The following CTDSPL2 variants were observed in gnomAD, a reference collection of about 807,000 sequenced individuals.
CTDSPL2 encodes CTD small phosphatase-like protein 2.
CTDSPL2 carries 5 observed loss-of-function variants against 60.0 expected under a neutral mutation model. That is an observed-to-expected ratio of 0.08 (90% CI 0.04 to 0.18). The LOEUF is 0.18. Among genes scored for constraint, CTDSPL2 ranks in the 10% least tolerant of loss-of-function variants. CTDSPL2 has a pLI of 1.00. For missense variants in CTDSPL2, 370 were observed against 548.8 expected, an observed-to-expected ratio of 0.67 and a Z score of 3.26; for synonymous variants, 186 against 189.3, an observed-to-expected ratio of 0.98 and a Z score of 0.14.
intron 8 of CTDSPL2, among the ~76,000 whole-genome samples, chr15:44,509,309 C>G (rs2140853517): frequency 6.6e-6 from 1 of 152,168 alleles, no homozygotes; most frequent in Admixed American, 6.5e-5. Flanking sequence ...TCCAGTGATT[C>G]TCCTGCTTCA....
chr15:44,448,638 C>G (rs968166326), intron 1 of CTDSPL2: 1 of 317,544 alleles, frequency 3.1e-6, no homozygotes, highest in African/African-American at 2.2e-5. Context: ...GGTCCCTCCT[C>G]CATTTCTCCC....
intron 1 of CTDSPL2, among the ~76,000 whole-genome samples, chr15:44,443,450 A>G (rs533982502): frequency 7.9e-5 from 12 of 152,328 alleles, no homozygotes; most frequent in African/African-American, 2.2e-4. Flanking sequence ...TGGCAATTCT[A>G]TATTTAATTT....
Position 44,525,147 on chromosome 15 carries a change from C to CGA in CTDSPL2, c.*973_*974insGA, listed in dbSNP as rs2081852879. ...TGGTTTTCTCCAGGAATGAAGTATT[C>CGA]AGCACAGTGACTCAGTATTTTTAGT... On this transcript the variant is annotated 3_prime_UTR_variant, in exon 13 of 13. Coordinates refer to ENST00000260327, the MANE Select transcript of CTDSPL2 (RefSeq NM_016396.3). 1 of 340,604 alleles carries CGA rather than the reference C, an allele frequency of 2.9e-6. No individual in the cohort carries two copies. 21.1% of individuals were successfully genotyped at this position (340,604 alleles called of 1,614,324 possible). A position where few individuals can be genotyped will look rare whatever the true frequency, so the allele number is the denominator to read the frequency against.
At chr15:44,431,712 GTTTGTTTTT>G (rs2079861334) in intron 1 of CTDSPL2, among the ~76,000 whole-genome samples, 1 of 137,898 alleles carries the variant, frequency 7.3e-6, no homozygotes. Flanking sequence ...TTGTTTGTTT[GTTTGTTTTT>G]TTTTTTTTTT....
chr15:44,430,117 T>G lies in CTDSPL2; in HGVS notation c.-25+2345T>G, dbSNP rs115341319. On this transcript the variant is annotated intron_variant, in intron 1 of 12. Coordinates refer to ENST00000260327, the MANE Select transcript of CTDSPL2 (RefSeq NM_016396.3). ...ATCTAGCTGATCTCAAGTTTGTGAT[T>G]TCTGCTTAAGTGGTTTTTCATGAGA... 2.7e-3 allele frequency among the ~76,000 whole-genome samples: 410 copies of G among 152,302 alleles called. 1 individual carries two copies. Among genetic ancestry groups the G allele is most frequent in the African/African-American group, 9.4e-3 (389 of 41,556 alleles).
intron 2 of CTDSPL2, among the ~76,000 whole-genome samples, chr15:44,461,565 T>TTC (rs2080570366): frequency 6.6e-6 from 1 of 150,548 alleles, no homozygotes; most frequent in Non-Finnish European, 1.5e-5. Flanking sequence ...TTTTTAAAGT[T>TTC]TCTCTCCCTT....
At chr15:44,459,323 C>T (rs558979156) in intron 2 of CTDSPL2, 123 bp downstream of exon 2, 16 of 565,262 alleles carry the variant, frequency 2.8e-5, no homozygotes, top group South Asian at 1.3e-4. Flanking sequence ...GTCAGGAGAT[C>T]GAGACCATCC....
At chr15:44,514,085 T>G (rs2081611231) in intron 8 of CTDSPL2, among the ~76,000 whole-genome samples, 1 of 152,226 alleles carries the variant, frequency 6.6e-6, no homozygotes, top group African/African-American at 2.4e-5. Context: ...TGAGGTTATT[T>G]AAACCCATCA....
rs562636030 is a variant in CTDSPL2, at chr15:44,441,873, C to G, written c.-25+14101C>G. On this transcript the variant is annotated intron_variant, in intron 1 of 12. Transcript: ENST00000260327. ...CAGTGGGTCATAGAAGTGCTCTTCTCTTTCTGGGGCTGTAGCTTGTAATTC... is the reference window on the plus strand; with the variant it reads ...CAGTGGGTCATAGAAGTGCTCTTCTGTTTCTGGGGCTGTAGCTTGTAATTC... Among the ~76,000 whole-genome samples, 3 of 152,162 alleles carry G rather than the reference C, an allele frequency of 2.0e-5. No homozygotes were observed. In the South Asian group the frequency reaches 6.2e-4, roughly 32 times the overall value.
intron 2 of CTDSPL2, among the ~76,000 whole-genome samples, chr15:44,472,138 T>C (rs2080823251): frequency 6.6e-6 from 1 of 152,230 alleles, no homozygotes; most frequent in African/African-American, 2.4e-5. Flanking sequence ...TTTGACCATA[T>C]GAAGAATGCT....
rs184804239 is a variant in CTDSPL2 at position 44,431,514 on chromosome 15, A to G, written c.-25+3742A>G. On this transcript the variant is annotated intron_variant, in intron 1 of 12. Coordinates refer to ENST00000260327, the MANE Select transcript of CTDSPL2 (RefSeq NM_016396.3). ...GAATTGCCAATGCCTAACTTTATTT[A>G]TATCTCTCCAGTGTTTTTCTAAATG... Among the ~76,000 whole-genome samples, 4 of 152,272 alleles carry G rather than the reference A, an allele frequency of 2.6e-5. 1 individual carries two copies. In the East Asian group the frequency reaches 7.7e-4, roughly 29 times the overall value.
chr15:44,467,444 T>C (rs2080718770), intron 2 of CTDSPL2, among the ~76,000 whole-genome samples: 1 of 152,216 alleles, frequency 6.6e-6, no homozygotes, highest in Non-Finnish European at 1.5e-5. Flanking sequence ...TAGATGTTTT[T>C]CTTAGTTATC....
At chr15:44,506,362 A>G (rs1334390229) in intron 8 of CTDSPL2, among the ~76,000 whole-genome samples, 3 of 149,844 alleles carry the variant, frequency 2.0e-5, no homozygotes, top group Non-Finnish European at 4.4e-5. Context: ...AATATAAATC[A>G]TATAAATCAC....
intron 2 of CTDSPL2, among the ~76,000 whole-genome samples, chr15:44,481,351 A>G (rs541703032): frequency 6.6e-6 from 1 of 152,292 alleles, no homozygotes; most frequent in Non-Finnish European, 1.5e-5. Flanking sequence ...CTGTTCTGCA[A>G]CAATATGTGG....
At chr15:44,510,265 T>C (rs1344868839) in intron 8 of CTDSPL2, among the ~76,000 whole-genome samples, 1 of 152,220 alleles carries the variant, frequency 6.6e-6, no homozygotes, top group Non-Finnish European at 1.5e-5. Context: ...CCCAAAGTGC[T>C]GGGATTACAG....
intron 8 of CTDSPL2, among the ~76,000 whole-genome samples, chr15:44,509,454 G>T (rs1465724288): frequency 2.9e-4 from 44 of 152,164 alleles, no homozygotes; most frequent in Non-Finnish European, 2.5e-4. Flanking sequence ...TGATCCGCCC[G>T]CCTTGGCCTC....
intron 3 of CTDSPL2, 76 bp from the exon 4 acceptor site, chr15:44,486,475 A>C (rs1192763276): frequency 9.6e-7 from 1 of 1,039,432 alleles, no homozygotes; most frequent in Non-Finnish European, 1.4e-6. Flanking sequence ...AGTTACTTCT[A>C]TAATGAATGA....
At chr15:44,486,239 G>T (rs1020766315) in intron 3 of CTDSPL2, among the ~76,000 whole-genome samples, 3 of 152,102 alleles carry the variant, frequency 2.0e-5, no homozygotes, top group African/African-American at 7.2e-5. Flanking sequence ...TAGTTTGCTT[G>T]TTTACAAAGA....
At chr15:44,495,458 G>T (rs1027129721) in intron 5 of CTDSPL2, among the ~76,000 whole-genome samples, 1 of 148,110 alleles carries the variant, frequency 6.8e-6, no homozygotes, top group Non-Finnish European at 1.5e-5. Flanking sequence ...GCACATGCCT[G>T]TAGTCCCAGC....
Sources: gnomAD v4.1 joint callset for allele counts (sites outside exome capture counted in the v4.1 genomes callset) on GRCh38, gnomAD v4.1.1 for gene constraint, MANE v1.5 for transcripts, NCBI Gene and HGNC (gene_info 2026-07-23, HGNC 2026-07-21) for gene names.